The following DOCK5 variants were observed in gnomAD, a reference collection of about 807,000 sequenced individuals.
DOCK5 encodes the protein dedicator of cytokinesis protein 5.
Under a neutral mutation model 251.8 loss-of-function variants are expected in DOCK5, and 142 were observed. That is an observed-to-expected ratio of 0.56 (90% CI 0.49 to 0.65). DOCK5 has a LOEUF of 0.65. Ranked by LOEUF, DOCK5 falls within the 30% of genes least tolerant of loss-of-function variation. The pLI is 0.00. For synonymous variants in DOCK5, 842 were observed against 835.5 expected, an observed-to-expected ratio of 1.01 and a Z score of -0.13; for missense variants, 2,111 against 2,312.3, an observed-to-expected ratio of 0.91 and a Z score of 1.79.
At position 25,244,915 on chromosome 8, in the gene DOCK5, C is replaced by G. The variant is rs148471816; in HGVS notation, c.127+1158C>G. Among the ~76,000 whole-genome samples the G allele has an allele frequency of 2.2e-3, 337 of 152,294 alleles. 2 individuals carry two copies. Among genetic ancestry groups the G allele is most frequent in the African/African-American group, 7.8e-3 (323 of 41,562 alleles). On this transcript the variant is annotated intron_variant, in intron 2 of 51. Transcript: ENST00000276440. ...GACAGAGAGGGCTGTGTGAACTCTT[C>G]CCTTTTTCTTTCTACTGCTTATTCT...
chr8:25,231,071 T>G (rs969547394), intron 1 of DOCK5, among the ~76,000 whole-genome samples: 2 of 152,266 alleles, frequency 1.3e-5, no homozygotes, highest in East Asian at 3.9e-4. Context: ...CCTCCTTTTT[T>G]TTCTGTAGTT....
chr8:25,398,908 C>T (rs1425177285), intron 45 of DOCK5, among the ~76,000 whole-genome samples: 1 of 152,164 alleles, frequency 6.6e-6, no homozygotes, highest in Non-Finnish European at 1.5e-5. Context: ...ATAATGTCTG[C>T]TCGCAAGATA....
chr8:25,312,076 A>G (rs180705888), intron 13 of DOCK5, among the ~76,000 whole-genome samples: 357 of 152,336 alleles, frequency 2.3e-3, no homozygotes, highest in African/African-American at 7.9e-3. Flanking sequence ...TAAAAATGTT[A>G]TAAAATGGAG....
chr8:25,362,190 A>G (rs1800694439), intron 28 of DOCK5, among the ~76,000 whole-genome samples: 1 of 152,188 alleles, frequency 6.6e-6, no homozygotes, highest in African/African-American at 2.4e-5. Flanking sequence ...TGGCGCAGGA[A>G]GAGTGGTGAT....
intron 39 of DOCK5, among the ~76,000 whole-genome samples, chr8:25,381,402 A>T (rs1055101143): frequency 1.3e-5 from 2 of 152,170 alleles, no homozygotes; most frequent in Non-Finnish European, 2.9e-5. Flanking sequence ...AGGCAGATGG[A>T]TCACTTGAGC....
At chr8:25,251,945 C>T (rs1447150218) in intron 2 of DOCK5, among the ~76,000 whole-genome samples, 3 of 149,842 alleles carry the variant, frequency 2.0e-5, no homozygotes, top group African/African-American at 2.5e-5. Context: ...GCTGAGATCA[C>T]GCGTGCCATT....
intron 6 of DOCK5, among the ~76,000 whole-genome samples, chr8:25,296,193 A>G (rs1804611408): frequency 6.6e-6 from 1 of 152,178 alleles, no homozygotes; most frequent in African/African-American, 2.4e-5. Context: ...CCTCTTCATA[A>G]TAACAGAAGA....
intron 5 of DOCK5, 30 bp downstream of exon 5, chr8:25,278,695 A>G (rs1028090659): frequency 6.2e-7 from 1 of 1,605,936 alleles, no homozygotes; most frequent in Non-Finnish European, 8.5e-7. Context: ...TTGGAGCCCC[A>G]GGGTCACTCT....
At chr8:25,301,190 G>A (rs769274935) in intron 9 of DOCK5, among the ~76,000 whole-genome samples, 5 of 152,184 alleles carry the variant, frequency 3.3e-5, no homozygotes, top group Non-Finnish European at 7.3e-5. Flanking sequence ...ATAGAGTTCG[G>A]TACTGTCTTT....
At chr8:25,286,381 G>A (rs910119428) in intron 5 of DOCK5, among the ~76,000 whole-genome samples, 2 of 152,146 alleles carry the variant, frequency 1.3e-5, no homozygotes, top group Non-Finnish European at 2.9e-5. Flanking sequence ...ACTCAAAGAC[G>A]CTTATCCTTG....
rs553155971 is a variant in DOCK5 at position 25,222,032 on chromosome 8, G to A, written c.44-21642G>A. 1.3e-3 allele frequency among the ~76,000 whole-genome samples: 201 copies of A among 152,228 alleles called. 2 individuals carry two copies. The highest frequency in any genetic ancestry group is 4.6e-3 in the African/African-American group (192 of 41,534). ...CCTTTTCTCCTGCTGTCAGCCCTGCGAGTTAAGAGAGAGCATTGCTTTTTG... is the reference window on the plus strand; with the variant it reads ...CCTTTTCTCCTGCTGTCAGCCCTGCAAGTTAAGAGAGAGCATTGCTTTTTG... On this transcript the variant is annotated intron_variant, in intron 1 of 51. Coordinates refer to ENST00000276440, the MANE Select transcript of DOCK5 (RefSeq NM_024940.8).
In DOCK5 at chr8:25,254,902, G is replaced by A. The variant is rs142837522; in HGVS notation, c.127+11145G>A. Among the ~76,000 whole-genome samples, 390 of 148,678 alleles carry A rather than the reference G, an allele frequency of 2.6e-3. 3 individuals carry two copies. Among genetic ancestry groups the A allele is most frequent in the African/African-American group, 9.2e-3 (371 of 40,382 alleles). ...TAAAACATGGGCAAAGACCTTCACAGAAACCTCGCTAAGGAAGATATATAT... is the reference window on the plus strand; with the variant it reads ...TAAAACATGGGCAAAGACCTTCACAAAAACCTCGCTAAGGAAGATATATAT... On this transcript the variant is annotated intron_variant, in intron 2 of 51. Transcript: ENST00000276440.
intron 1 of DOCK5, among the ~76,000 whole-genome samples, chr8:25,225,172 T>C (rs1044825401): frequency 7.9e-5 from 12 of 152,222 alleles, no homozygotes; most frequent in Non-Finnish European, 1.6e-4. Flanking sequence ...GTGCAGTCCC[T>C]ATGGAAAACA....
At chr8:25,290,340 T>G (rs1435419165) in intron 5 of DOCK5, among the ~76,000 whole-genome samples, 4 of 152,124 alleles carry the variant, frequency 2.6e-5, no homozygotes. Flanking sequence ...AAAAAAAATA[T>G]GATAATGTTT....
At chr8:25,279,028 A>G (rs1418878867) in intron 5 of DOCK5, among the ~76,000 whole-genome samples, 1 of 152,224 alleles carries the variant, frequency 6.6e-6, no homozygotes, top group Non-Finnish European at 1.5e-5. Context: ...TAATTTGTTA[A>G]TAAGGAACCT....
chr8:25,377,518 G>C, intron 38 of DOCK5, 94 bp downstream of exon 38: 1 of 1,420,506 alleles, frequency 7.0e-7, no homozygotes, highest in South Asian at 1.4e-5. Context: ...AGTTAGCACT[G>C]ACTACCCAGG....
chr8:25,263,756 G>A lies in DOCK5; in HGVS notation c.128-5089G>A, dbSNP rs559141621. ...GCCCACCTCGGTCCCCCTGGGCTCT[G>A]ACATGCCATGCCAGTCTGGACCCCT... On this transcript the variant is annotated intron_variant, in intron 2 of 51. Transcript: ENST00000276440. Among the ~76,000 whole-genome samples, 43 of 151,788 alleles carry A rather than the reference G, an allele frequency of 2.8e-4. No individual in the cohort carries two copies. In the South Asian group the frequency reaches 8.7e-3, roughly 31 times the overall value.
intron 48 of DOCK5, among the ~76,000 whole-genome samples, chr8:25,404,801 G>A (rs1006995728): frequency 2.0e-5 from 3 of 151,872 alleles, no homozygotes; most frequent in South Asian, 2.1e-4. Context: ...TTCCTAAACC[G>A]ACTTCCATAA....
chr8:25,346,710 G>A (rs1001696219), intron 26 of DOCK5, among the ~76,000 whole-genome samples: 1 of 99,640 alleles, frequency 1.0e-5, no homozygotes, highest in African/African-American at 4.1e-5. Context: ...TATAGTCCCA[G>A]CTACTCGGGA....
Sources: allele counts gnomAD v4.1 joint callset (sites outside exome capture counted in the v4.1 genomes callset), GRCh38; gene constraint gnomAD v4.1.1; transcripts MANE v1.5; gene names NCBI Gene and HGNC (gene_info 2026-07-23, HGNC 2026-07-21).